DNAAF3: variants seen among roughly 807,000 people sequenced by gnomAD.
DNAAF3 encodes the protein dynein axonemal assembly factor 3.
A neutral mutation model predicts 50.9 loss-of-function variants in DNAAF3; 40 were observed. That is an observed-to-expected ratio of 0.79 (90% CI 0.61 to 1.02). The LOEUF (loss-of-function observed/expected upper bound fraction) is 1.02, where lower values mean the gene tolerates loss of function less well. Among genes scored for constraint, DNAAF3 ranks in the 50% least tolerant of loss-of-function variants. The pLI, the probability that DNAAF3 is intolerant of heterozygous loss-of-function variation, is 0.00. For missense variants in DNAAF3, 763 were observed against 744.7 expected (o/e 1.02, Z -0.29); for synonymous variants, 327 against 322.8 (o/e 1.01, Z -0.14).
At position 55,160,921 on chromosome 19, in the gene DNAAF3, G is replaced by A; in HGVS notation, c.912+144C>T. The A allele has an allele frequency of 6.9e-7, 1 of 1,451,058 alleles. No homozygotes were observed. The highest frequency in any genetic ancestry group is 9.1e-7 in the Non-Finnish European group (1 of 1,103,200). 89.9% of individuals were successfully genotyped at this position (1,451,058 alleles called of 1,614,324 possible). On this transcript the variant is annotated intron_variant, in intron 8 of 11. Coordinates refer to ENST00000524407, the MANE Select transcript of DNAAF3 (RefSeq NM_001256715.2). This position sits in a 1 kb window ranked among gnomAD's most constrained non-coding sequence, Gnocchi z 4.7. ...GGCGGGACCTATCCCGCGGGGATGG[G>A]GCCTGTTCTCTGAATGGAGTCGTTC...
rs910541393 is a variant in DNAAF3, at chr19:55,160,540, G to A, written c.1048+100C>T. ...AAAAGAGACAGAATATCAAGAAGCC[G>A]TCACTTGCCCAGGCATTCCAAATCA... On this transcript the variant is annotated intron_variant, in intron 9 of 11. Transcript: ENST00000524407. This position sits in a 1 kb window ranked among gnomAD's most constrained non-coding sequence, Gnocchi z 4.7. 7 of 1,567,960 alleles carry A rather than the reference G, an allele frequency of 4.5e-6. No homozygotes were observed. Among genetic ancestry groups the A allele is most frequent in the South Asian group, 1.1e-5 (1 of 87,250 alleles).
chr19:55,159,583 C>G lies in DNAAF3; in HGVS notation c.1188G>C (p.Glu396Asp), dbSNP rs1390932859. 1 of 1,610,348 alleles carries G rather than the reference C, an allele frequency of 6.2e-7. No homozygotes were observed. Among genetic ancestry groups the G allele is most frequent in the Non-Finnish European group, 8.5e-7 (1 of 1,178,300 alleles). Reference protein sequence around the residue: ...ACGMVHLLIPELGACVAPGGN... With the variant: ...ACGMVHLLIPDLGACVAPGGN... ...CTCCGGGTGCCACACAGGCCCCAAG[C>G]TCAGGGATGAGAAGATGGACCATAC... Residue 396 changes from glutamate (E) to aspartate (D), a missense_variant, in exon 11 of 12, where the codon GAG (glutamate) becomes GAC (aspartate). Glu to Asp is a conservative substitution (Grantham distance 45, BLOSUM62 2). Transcript: ENST00000524407.
chr19:55,162,701 T>TA, intron 4 of DNAAF3: 1 of 982,888 alleles, frequency 1.0e-6, no homozygotes, highest in South Asian at 4.7e-5. Context: ...TAAAAAATAA[T>TA]ACAAATTGTA....
intron 10 of DNAAF3, 82 bp downstream of exon 10, chr19:55,159,817 G>A: frequency 7.1e-7 from 1 of 1,400,592 alleles, no homozygotes; most frequent in Non-Finnish European, 9.4e-7. Flanking sequence ...AGGGGCTGGG[G>A]GCCTGGACTC....
Position 55,160,550 on chromosome 19 carries a change from C to G in DNAAF3, c.1048+90G>C. The G allele has an allele frequency of 1.3e-6, 2 of 1,587,452 alleles. No individual in the cohort carries two copies. Among genetic ancestry groups the G allele is most frequent in the Non-Finnish European group, 1.7e-6 (2 of 1,169,430 alleles). On this transcript the variant is annotated intron_variant, in intron 9 of 11. Transcript: ENST00000524407. This position sits in a 1 kb window ranked among gnomAD's most constrained non-coding sequence, Gnocchi z 4.7. ...GAATATCAAGAAGCCGTCACTTGCCCAGGCATTCCAAATCATGTCAGTCCA... is the reference window on the plus strand; with the variant it reads ...GAATATCAAGAAGCCGTCACTTGCCGAGGCATTCCAAATCATGTCAGTCCA...
rs757352402 is a variant in DNAAF3, at chr19:55,166,308, A to G, written c.85+21T>C. The stretch of plus-strand genomic sequence containing the variant: ...GCTGGGAAGGCAGACGGTGTATCAG[A>G]CCTTGCGTGCTGGGACTCACTTTCA... On this transcript the variant is annotated intron_variant, in intron 2 of 11. Coordinates refer to ENST00000524407, the MANE Select transcript of DNAAF3 (RefSeq NM_001256715.2). This position sits in a 1 kb window ranked among gnomAD's most constrained non-coding sequence, Gnocchi z 4.0. 1.2e-6 allele frequency: 2 copies of G among 1,611,834 alleles called. No individual in the cohort carries two copies. The highest frequency in any genetic ancestry group is 2.2e-5 in the South Asian group (2 of 90,970).
Position 55,166,478 on chromosome 19 carries a change from C to T in DNAAF3, c.-5+45G>A, listed in dbSNP as rs2085941237. The T allele has an allele frequency of 1.9e-6, 3 of 1,613,426 alleles. No homozygotes were observed. Among genetic ancestry groups the T allele is most frequent in the African/African-American group, 2.7e-5 (2 of 74,898 alleles). On this transcript the variant is annotated intron_variant, in intron 1 of 11. Coordinates refer to ENST00000524407, the MANE Select transcript of DNAAF3 (RefSeq NM_001256715.2). The surrounding 1 kb of genome is among the most constrained non-coding windows in gnomAD (Gnocchi z 4.0). ...CCCGCCCCGCTCCCCTCTCACCGCCCCTCACTTCTCGCCCCTTTGCCTCCA... is the reference window on the plus strand; with the variant it reads ...CCCGCCCCGCTCCCCTCTCACCGCCTCTCACTTCTCGCCCCTTTGCCTCCA...
At position 55,166,125 on chromosome 19, in the gene DNAAF3, A is replaced by G. The variant is rs1450955097; in HGVS notation, c.86-125T>C. 2 of 1,570,036 alleles carry G rather than the reference A, an allele frequency of 1.3e-6. No homozygotes were observed. Among genetic ancestry groups the G allele is most frequent in the Admixed American group, 3.8e-5 (2 of 52,558 alleles). ...CGCCCGTGGCCTAGGTTCTAAGGGG[A>G]GGTGTTTCCTCTGAGTATTCTGGGA... On this transcript the variant is annotated intron_variant, in intron 2 of 11. Coordinates refer to ENST00000524407, the MANE Select transcript of DNAAF3 (RefSeq NM_001256715.2). This position sits in a 1 kb window ranked among gnomAD's most constrained non-coding sequence, Gnocchi z 4.0.
intron 4 of DNAAF3, among the ~76,000 whole-genome samples, chr19:55,163,943 G>T (rs2085889960): frequency 6.6e-6 from 1 of 152,086 alleles, no homozygotes; most frequent in Non-Finnish European, 1.5e-5. Context: ...TTGGAGGCGG[G>T]GCCTGGTGGG....
Position 55,161,158 on chromosome 19 carries a change from G to C in DNAAF3, c.819C>G (p.Tyr273Ter). The C allele has an allele frequency of 6.4e-7, 1 of 1,558,652 alleles. No homozygotes were observed. Among genetic ancestry groups the C allele is most frequent in the Non-Finnish European group, 8.7e-7 (1 of 1,152,460 alleles). ...AGGGCCCCGTGGCGATGTCCCCCCA[G>C]TACCCGCGCGCTGCCACGCGCTCCC... ...YRGERVAARGYWGDIATGPFV... is the reference protein window; with the variant it reads ...YRGERVAARG The change falls in exon 8 of 12, where the codon TAC becomes TAG. Residue 273 changes from tyrosine (Y) to a stop codon, truncating the protein, a stop_gained. Coordinates refer to ENST00000524407, the MANE Select transcript of DNAAF3 (RefSeq NM_001256715.2). LOFTEE classifies it high-confidence loss of function. The surrounding 1 kb of genome is among the most constrained non-coding windows in gnomAD (Gnocchi z 6.4).
rs2085843812 is a variant in DNAAF3, at chr19:55,161,915, A to AC, written c.481-91dup. ...AATTGACCCTCTCTTCCATCCCAGAACAGGGGAACGATTCCCCCGTTTCTC... is the reference window on the plus strand; with the variant it reads ...AATTGACCCTCTCTTCCATCCCAGAACCAGGGGAACGATTCCCCCGTTTCTC... On this transcript the variant is annotated intron_variant, in intron 5 of 11. Coordinates refer to ENST00000524407, the MANE Select transcript of DNAAF3 (RefSeq NM_001256715.2). This position sits in a 1 kb window ranked among gnomAD's most constrained non-coding sequence, Gnocchi z 6.4. 1.1e-5 allele frequency: 15 copies of AC among 1,334,000 alleles called. No individual in the cohort carries two copies. In the South Asian group the frequency reaches 1.7e-4, roughly 15 times the overall value. 82.6% of individuals were successfully genotyped at this position (1,334,000 alleles called of 1,614,324 possible).
chr19:55,160,495 G>A lies in DNAAF3; in HGVS notation c.1048+145C>T, dbSNP rs1334846063. On this transcript the variant is annotated intron_variant, in intron 9 of 11. Transcript: ENST00000524407. The surrounding 1 kb of genome is among the most constrained non-coding windows in gnomAD (Gnocchi z 4.7). ...TTCTAAGCATGCTCTCAGAATTTAG[G>A]AAAGGGAGAGAAAGAGAGAAAAAGA... 7.2e-7 allele frequency: 1 copy of A among 1,388,752 alleles called. No individual in the cohort carries two copies. Among genetic ancestry groups the A allele is most frequent in the East Asian group, 2.3e-5 (1 of 43,658 alleles). The allele number at this position is 1,388,752 out of a possible 1,614,324, so 86.0% of individuals were successfully genotyped here.
chr19:55,159,257 G>A lies in DNAAF3; in HGVS notation c.1431C>T (p.Asp477=), dbSNP rs759571188. Residue 477 remains aspartate (D), a synonymous_variant, in exon 12 of 12, where the codon GAC becomes GAT. Coordinates refer to ENST00000524407, the MANE Select transcript of DNAAF3 (RefSeq NM_001256715.2). ...TGGCTTCAAGAGGCTGGGCCAGGAT[G>A]TCAAGGGGCGGAGTTCCGGGTTCCA... ...PAVEPGTPPL[D]ILAQPLEASN... The A allele has an allele frequency of 2.8e-5, 45 of 1,613,906 alleles. No homozygotes were observed. The highest frequency in any genetic ancestry group is 3.6e-5 in the Non-Finnish European group (43 of 1,180,050).
rs779469618 is a variant in DNAAF3, at chr19:55,159,503, T to G, written c.1238+30A>C. ...CCCAGATTTTGATCCCCAGCCAGGATGTTCCCCACCCTCCACCCCACTGAC... is the reference window on the plus strand; with the variant it reads ...CCCAGATTTTGATCCCCAGCCAGGAGGTTCCCCACCCTCCACCCCACTGAC... On this transcript the variant is annotated intron_variant, in intron 11 of 11. Transcript: ENST00000524407. The G allele has an allele frequency of 8.4e-5, 135 of 1,600,034 alleles. No individual in the cohort carries two copies. In the South Asian group the frequency reaches 1.2e-3, roughly 15 times the overall value.
In DNAAF3 at chr19:55,161,815, C is replaced by T. The variant is rs771839338; in HGVS notation, c.491G>A (p.Arg164Gln). The T allele has an allele frequency of 1.3e-5, 18 of 1,439,680 alleles. No homozygotes were observed. In the East Asian group the frequency reaches 1.6e-4, roughly 13 times the overall value. 89.2% of individuals were successfully genotyped at this position (1,439,680 alleles called of 1,614,324 possible). Residue 164 changes from arginine (R) to glutamine (Q), a missense_variant, in exon 6 of 12, where the codon CGG becomes CAG. Physicochemically the swap from Arg to Gln is conservative, Grantham distance 43 (BLOSUM62 1). Transcript: ENST00000524407. The surrounding 1 kb of genome is among the most constrained non-coding windows in gnomAD (Gnocchi z 6.4). ...LSLRALKFRE[R>Q]DALEAVFRFW... ...GCGGAATACGGCCTCCAGGGCATCCCGCTCGCGGAACTGCGGGGCCAGGCA... is the reference window on the plus strand; with the variant it reads ...GCGGAATACGGCCTCCAGGGCATCCTGCTCGCGGAACTGCGGGGCCAGGCA...
intron 4 of DNAAF3, among the ~76,000 whole-genome samples, chr19:55,163,159 G>T (rs868805508): frequency 3.4e-4 from 52 of 151,522 alleles, no homozygotes; most frequent in Admixed American, 9.8e-4. Flanking sequence ...ACAAGCGCCC[G>T]CCACCACACC....
At chr19:55,159,769 G>A (rs746114166) in intron 10 of DNAAF3, 130 bp downstream of exon 10, 1 of 985,128 alleles carries the variant, frequency 1.0e-6, no homozygotes, top group Non-Finnish European at 1.2e-6. Context: ...TCTGAGGGAG[G>A]AGGGGCTGGG....
chr19:55,166,709 A>G, upstream of DNAAF3: 1 of 1,561,892 alleles, frequency 6.4e-7, no homozygotes, highest in Non-Finnish European at 8.7e-7. The surrounding 1 kb of genome is among the most constrained non-coding windows in gnomAD (Gnocchi z 4.0). Flanking sequence ...GCCCTCTACA[A>G]ACTTTTGGCC....
Position 55,160,830 on chromosome 19 carries a change from T to G in DNAAF3, c.913-55A>C. 6.3e-7 allele frequency: 1 copy of G among 1,577,128 alleles called. No individual in the cohort carries two copies. Among genetic ancestry groups the G allele is most frequent in the South Asian group, 1.1e-5 (1 of 89,626 alleles). On this transcript the variant is annotated intron_variant, in intron 8 of 11. Coordinates refer to ENST00000524407, the MANE Select transcript of DNAAF3 (RefSeq NM_001256715.2). The surrounding 1 kb of genome is among the most constrained non-coding windows in gnomAD (Gnocchi z 4.7). ...CGGGGCCAGGATGGCGGGGCGGGGC[T>G]TAGAACGCTGGGAGTCCTCGGTCCA...
Sources: allele counts gnomAD v4.1 joint callset (sites outside exome capture counted in the v4.1 genomes callset), GRCh38; gene constraint gnomAD v4.1.1; non-coding constraint Gnocchi (gnomAD v3.1); transcripts MANE v1.5; gene names NCBI Gene and HGNC (gene_info 2026-07-23, HGNC 2026-07-21).